KIAA1217: variants seen among roughly 807,000 people sequenced by gnomAD.
The protein encoded by KIAA1217 is sickle tail protein homolog.
A neutral mutation model predicts 163.9 loss-of-function variants in KIAA1217; 88 were observed. That is an observed-to-expected ratio of 0.54 (90% confidence interval 0.45 to 0.64). The LOEUF (loss-of-function observed/expected upper bound fraction) is 0.64, where lower values mean the gene tolerates loss of function less well. Among genes scored for constraint, KIAA1217 ranks in the 30% least tolerant of loss-of-function variants. The probability of loss-of-function intolerance (pLI) is 0.00; values close to 1 mark genes in which losing one functional copy is unlikely to be tolerated. For missense variants in KIAA1217, 2,372 were observed against 2,475.0 expected, an observed-to-expected ratio of 0.96 and a Z score of 0.88; for synonymous variants, 903 against 923.1, an observed-to-expected ratio of 0.98 and a Z score of 0.39.
chr10:24,087,381 C>A (rs1162211482), intron 2 of KIAA1217, among the ~76,000 whole-genome samples: 3 of 152,188 alleles, frequency 2.0e-5, no homozygotes, highest in Non-Finnish European at 4.4e-5. Context: ...CTTTCTTCTG[C>A]AACCATATGT....
At chr10:23,998,877 GAT>G in intron 1 of KIAA1217, among the ~76,000 whole-genome samples, 1 of 152,304 alleles carries the variant, frequency 6.6e-6, no homozygotes, top group Middle Eastern at 3.4e-3. Flanking sequence ...GTACACTCCA[GAT>G]TTAATGTTTG....
At chr10:24,138,646 CA>C (rs35117486) in intron 2 of KIAA1217, among the ~76,000 whole-genome samples, 1,939 of 143,922 alleles carry the variant, frequency 0.013, 28 homozygotes, top group African/African-American at 0.041. Context: ...ATTCATTAAC[CA>C]AAAAAAAAAA....
chr10:24,375,522 A>G (rs977944295), intron 2 of KIAA1217, among the ~76,000 whole-genome samples: 6 of 152,226 alleles, frequency 3.9e-5, no homozygotes. Flanking sequence ...ATTTTTAATA[A>G]AAGTACCTAG....
At chr10:24,197,860 A>T (rs1325207198) in intron 2 of KIAA1217, among the ~76,000 whole-genome samples, 3 of 152,240 alleles carry the variant, frequency 2.0e-5, no homozygotes, top group Non-Finnish European at 4.4e-5. Context: ...TGCAGGACAC[A>T]GTTCAAGCTT....
intron 1 of KIAA1217, among the ~76,000 whole-genome samples, chr10:23,846,527 C>G (rs1839039201): frequency 6.6e-6 from 1 of 152,004 alleles, no homozygotes; most frequent in African/African-American, 2.4e-5. Flanking sequence ...ATTTGGCTCT[C>G]TGTTTGTCTG....
At chr10:24,117,049 T>G (rs866820534) in intron 2 of KIAA1217, among the ~76,000 whole-genome samples, 5 of 148,802 alleles carry the variant, frequency 3.4e-5, no homozygotes, top group African/African-American at 7.5e-5. Context: ...TTTTTTTGGG[T>G]GGGGGGGGAT....
chr10:23,862,360 A>G (rs1478985470), intron 1 of KIAA1217, among the ~76,000 whole-genome samples: 9 of 152,122 alleles, frequency 5.9e-5, no homozygotes, highest in Non-Finnish European at 1.0e-4. Flanking sequence ...AAAGAATTGG[A>G]GGTCAAAAAT....
chr10:23,863,314 T>C (rs559306533), intron 1 of KIAA1217, among the ~76,000 whole-genome samples: 5 of 152,224 alleles, frequency 3.3e-5, no homozygotes, highest in Non-Finnish European at 5.9e-5. Context: ...CATCGCTACC[T>C]GCTATGGTTT....
chr10:24,042,343 C>G (rs774033685), intron 2 of KIAA1217: 1 of 151,798 alleles, frequency 6.6e-6, no homozygotes, highest in Non-Finnish European at 1.5e-5. Context: ...TCTAAGCTGC[C>G]ATCAGCTAGG....
intron 2 of KIAA1217, among the ~76,000 whole-genome samples, chr10:24,278,581 G>C (rs536026619): frequency 1.8e-4 from 28 of 152,312 alleles, no homozygotes; most frequent in African/African-American, 6.7e-4. Context: ...TGTCTATTCA[G>C]TGAATATTTG....
chr10:24,527,998 T>C lies in KIAA1217; in HGVS notation c.2961T>C (p.Phe987=). ...TGGATCACTATAATGGGAAAGAGTTTGAGAAGCTCCTAGAAGAAGCTCAGG... is the reference window on the plus strand; with the variant it reads ...TGGATCACTATAATGGGAAAGAGTTCGAGAAGCTCCTAGAAGAAGCTCAGG... ...QNLDHYNGKE[F]EKLLEEAQAN... Residue 987 remains phenylalanine (F), a synonymous_variant, in exon 14 of 21, where the codon TTT becomes TTC. Transcript: ENST00000376454. 1 of 1,614,086 alleles carries C rather than the reference T, an allele frequency of 6.2e-7. No homozygotes were observed. Among genetic ancestry groups the C allele is most frequent in the African/African-American group, 1.3e-5 (1 of 75,014 alleles).
At chr10:23,780,052 T>C (rs1835186292) in intron 1 of KIAA1217, among the ~76,000 whole-genome samples, 1 of 152,180 alleles carries the variant, frequency 6.6e-6, no homozygotes, top group Non-Finnish European at 1.5e-5. Context: ...CACTTAATGA[T>C]GCATTTCTCA....
At chr10:23,810,339 A>G (rs1357570803) in intron 1 of KIAA1217, among the ~76,000 whole-genome samples, 18 of 146,826 alleles carry the variant, frequency 1.2e-4, no homozygotes, top group Non-Finnish European at 2.5e-4. Context: ...CACACACTAT[A>G]TATACTATAT....
chr10:24,118,421 C>G (rs1044526064), intron 2 of KIAA1217, among the ~76,000 whole-genome samples: 17 of 152,206 alleles, frequency 1.1e-4, no homozygotes, highest in African/African-American at 3.4e-4. Flanking sequence ...AGCGCCTTAA[C>G]AAGTCAATTC....
chr10:23,745,762 G>C (rs1189278238), intron 1 of KIAA1217, among the ~76,000 whole-genome samples: 1 of 152,174 alleles, frequency 6.6e-6, no homozygotes, highest in Non-Finnish European at 1.5e-5. Context: ...ATGGTAGAGT[G>C]AATGATAAAT....
chr10:23,726,740 G>T (rs1286360893), intron 1 of KIAA1217, among the ~76,000 whole-genome samples: 1 of 152,038 alleles, frequency 6.6e-6, no homozygotes, highest in African/African-American at 2.4e-5. Context: ...GTGGGCAAAG[G>T]ATATGAACAG....
intron 8 of KIAA1217, among the ~76,000 whole-genome samples, chr10:24,498,037 A>T (rs558942693): frequency 4.6e-5 from 7 of 152,086 alleles, no homozygotes; most frequent in African/African-American, 1.7e-4. Context: ...GTGGAAGACG[A>T]GTGGAAATAA....
chr10:24,043,273 A>G (rs1848744919), intron 2 of KIAA1217, among the ~76,000 whole-genome samples: 1 of 152,182 alleles, frequency 6.6e-6, no homozygotes, highest in South Asian at 2.1e-4. Context: ...TACAAATGTA[A>G]TATTTGGCCC....
intron 1 of KIAA1217, among the ~76,000 whole-genome samples, chr10:23,856,815 A>T (rs1053173040): frequency 1.3e-5 from 2 of 152,368 alleles, no homozygotes; most frequent in Admixed American, 6.5e-5. Flanking sequence ...ACTGCCAGCC[A>T]TGTGCGGGAT....
Sources: allele counts gnomAD v4.1 joint callset (sites outside exome capture counted in the v4.1 genomes callset), GRCh38; gene constraint gnomAD v4.1.1; transcripts MANE v1.5; gene names NCBI Gene and HGNC (gene_info 2026-07-23, HGNC 2026-07-21).